ZNF729: variants seen among roughly 807,000 people sequenced by gnomAD.
ZNF729 encodes the protein zinc finger protein 729.
ZNF729 carries 15 observed loss-of-function variants against 12.2 expected under a neutral mutation model. The observed-to-expected ratio is 1.23, with a 90% CI of 0.82 to 1.89. The LOEUF (loss-of-function observed/expected upper bound fraction) is 1.89, where lower values mean the gene tolerates loss of function less well. ZNF729 is among the 40% of genes most tolerant of loss of function. ZNF729 has a pLI of 0.00. For missense variants in ZNF729, 1,540 were observed against 1,456.7 expected (o/e 1.06, Z -0.93); for synonymous variants, 492 against 476.3 (o/e 1.03, Z -0.43).
intron 1 of ZNF729, among the ~76,000 whole-genome samples, chr19:22,303,013 G>A (rs1044406224): frequency 3.3e-5 from 5 of 152,144 alleles, no homozygotes; most frequent in African/African-American, 1.2e-4. Context: ...GACCTCAGAT[G>A]ATCCACCCAC....
chr19:22,314,978 T>G lies in ZNF729; in HGVS notation c.1561T>G (p.Cys521Gly). The change falls in exon 4 of 4, where the codon TGT becomes GGT. Residue 521 changes from cysteine to glycine, a missense_variant. Physicochemically the swap from Cys to Gly is radical, Grantham distance 159. Coordinates refer to ENST00000601693, the MANE Select transcript of ZNF729 (RefSeq NM_001242680.2). Reference protein sequence around the residue: ...TGKKPYKCEECGKAFSQSSTL... With the variant: ...TGKKPYKCEEGGKAFSQSSTL... ...AAAGAAACCCTACAAATGTGAAGAATGTGGGAAAGCTTTTAGCCAGTCCTC... is the reference window on the plus strand; with the variant it reads ...AAAGAAACCCTACAAATGTGAAGAAGGTGGGAAAGCTTTTAGCCAGTCCTC... 1 of 1,612,032 alleles carries G rather than the reference T, an allele frequency of 6.2e-7. No homozygotes were observed. The highest frequency in any genetic ancestry group is 8.5e-7 in the Non-Finnish European group (1 of 1,179,704).
At chr19:22,313,509 C>T (rs1599758851) in intron 3 of ZNF729, among the ~76,000 whole-genome samples, 162 bp from the exon 4 acceptor site, 1 of 152,198 alleles carries the variant, frequency 6.6e-6, no homozygotes, top group Non-Finnish European at 1.5e-5. Flanking sequence ...TGTATTTGGT[C>T]AGTATGTTTT....
At chr19:22,296,649 C>T (rs909468319) in intron 1 of ZNF729, among the ~76,000 whole-genome samples, 1 of 151,854 alleles carries the variant, frequency 6.6e-6, no homozygotes, top group Admixed American at 6.6e-5. Flanking sequence ...CTGCTGATAG[C>T]TTAGGAGTTG....
At chr19:22,293,961 G>C (rs1242510377) in intron 1 of ZNF729, among the ~76,000 whole-genome samples, 1 of 152,174 alleles carries the variant, frequency 6.6e-6, no homozygotes, top group Non-Finnish European at 1.5e-5. Flanking sequence ...CTGTGAAGAA[G>C]ATATTTAGTT....
intron 1 of ZNF729, among the ~76,000 whole-genome samples, chr19:22,297,080 T>C (rs1317107670): frequency 3.3e-5 from 5 of 152,216 alleles, no homozygotes; most frequent in African/African-American, 1.2e-4. Flanking sequence ...GAGAGTTCTG[T>C]AGATGTCTAC....
intron 3 of ZNF729, among the ~76,000 whole-genome samples, chr19:22,307,398 T>C (rs1017490884): frequency 2.0e-4 from 31 of 151,774 alleles, no homozygotes; most frequent in African/African-American, 7.5e-4. Context: ...GTCTTTATTT[T>C]TTACTGTTTT....
intron 1 of ZNF729, among the ~76,000 whole-genome samples, chr19:22,294,808 C>CATG (rs929976297): frequency 2.6e-5 from 4 of 151,716 alleles, no homozygotes; most frequent in Admixed American, 2.6e-4. Context: ...AGGTGCCTAC[C>CATG]ACCATGCCCA....
intron 1 of ZNF729, among the ~76,000 whole-genome samples, chr19:22,294,478 C>T (rs1395675887): frequency 1.3e-5 from 2 of 152,000 alleles, no homozygotes; most frequent in Non-Finnish European, 2.9e-5. Context: ...TGAATTTTAA[C>T]ATAGTTTTCT....
chr19:22,290,422 G>A (rs765202633), intron 1 of ZNF729, among the ~76,000 whole-genome samples: 5 of 152,190 alleles, frequency 3.3e-5, no homozygotes, highest in Admixed American at 1.3e-4. Context: ...AAAGAGTATT[G>A]CAAGAGGACG....
chr19:22,305,972 T>TTTTTG (rs111912345), intron 3 of ZNF729, among the ~76,000 whole-genome samples: 3,290 of 152,070 alleles, frequency 0.022, 110 homozygotes, highest in African/African-American at 0.075. Context: ...CTAGCTAGTT[T>TTTTTG]TTTTGTTTTG....
At chr19:22,313,467 G>A (rs550136902) in intron 3 of ZNF729, among the ~76,000 whole-genome samples, 238 of 152,024 alleles carry the variant, frequency 1.6e-3, no homozygotes, top group Non-Finnish European at 2.4e-3. Flanking sequence ...GCTTACTTGG[G>A]GTACTTAACT....
chr19:22,306,211 C>A (rs916738791), intron 3 of ZNF729, among the ~76,000 whole-genome samples: 1 of 151,936 alleles, frequency 6.6e-6, no homozygotes, highest in African/African-American at 2.4e-5. Context: ...GAGACCAAAG[C>A]GGGCAGATCA....
chr19:22,301,817 AAATGTGATACTGGAGTAGAGT>A (rs1968309528), intron 1 of ZNF729, among the ~76,000 whole-genome samples: 1 of 152,312 alleles, frequency 6.6e-6, no homozygotes, highest in Non-Finnish European at 1.5e-5. Flanking sequence ...CCTACCTGTA[AAATGTGATACTGGAGTAGAGT>A]ATTGTTATTT....
At chr19:22,310,186 A>G (rs1426187615) in intron 3 of ZNF729, among the ~76,000 whole-genome samples, 4 of 151,962 alleles carry the variant, frequency 2.6e-5, no homozygotes, top group African/African-American at 7.3e-5. Context: ...CTCTTTACCA[A>G]TTTCGATGCC....
Position 22,316,566 on chromosome 19 carries a change from G to A in ZNF729, c.3149G>A (p.Cys1050Tyr), listed in dbSNP as rs958664694. 8.7e-6 allele frequency: 14 copies of A among 1,613,424 alleles called. 1 individual carries two copies. Among genetic ancestry groups the A allele is most frequent in the African/African-American group, 1.3e-5 (1 of 74,898 alleles). Reference sequence around the variant, plus strand: ...CATACTGGGGAGAAACCCTACAAATGTGAAGAATGTGGTAAAGCTTTTAAG... The same window carrying A: ...CATACTGGGGAGAAACCCTACAAATATGAAGAATGTGGTAAAGCTTTTAAG... ...IIHTGEKPYK[C>Y]EECGKAFKWS... is the part of the protein sequence containing the mutation. Residue 1050 changes from cysteine to tyrosine, a missense_variant, in exon 4 of 4, where the codon TGT becomes TAT. By Grantham distance (194) the Cys-to-Tyr change is radical. Transcript: ENST00000601693.
Position 22,313,794 on chromosome 19 carries a change from GTA to G in ZNF729, c.378_379del (p.Cys126Ter), listed in dbSNP as rs1568576765. 1 of 1,598,052 alleles carries G rather than the reference GTA, an allele frequency of 6.3e-7. No individual in the cohort carries two copies. Among genetic ancestry groups the G allele is most frequent in the East Asian group, 2.2e-5 (1 of 44,544 alleles). On this transcript the variant is annotated stop_gained and frameshift_variant, in exon 4 of 4. Transcript: ENST00000601693. LOFTEE classifies it low-confidence loss of function (END_TRUNC). Reference sequence around the variant, plus strand: ...AAGAATTTACGATTAAGAAAAGATTGTAAAAGTGCCAATGAGGGTAAGATGCA... The same window carrying G: ...AAGAATTTACGATTAAGAAAAGATTGAAAGTGCCAATGAGGGTAAGATGCA...
chr19:22,309,450 AAAAAG>A, intron 3 of ZNF729, among the ~76,000 whole-genome samples: 1 of 152,228 alleles, frequency 6.6e-6, no homozygotes. Context: ...ATCTCAGAAA[AAAAAG>A]AAAAGAGTAT....
chr19:22,309,909 T>C (rs1241056205), intron 3 of ZNF729, among the ~76,000 whole-genome samples: 1 of 152,018 alleles, frequency 6.6e-6, no homozygotes, highest in Non-Finnish European at 1.5e-5. Flanking sequence ...GTTTTCCTTG[T>C]AGAGATCTTT....
intron 1 of ZNF729, among the ~76,000 whole-genome samples, chr19:22,290,524 G>C (rs1254842276): frequency 2.0e-5 from 3 of 152,130 alleles, no homozygotes; most frequent in African/African-American, 7.2e-5. Flanking sequence ...TAGGAGGTGG[G>C]AGGGGATGGC....
Sources: allele counts gnomAD v4.1 joint callset (sites outside exome capture counted in the v4.1 genomes callset), GRCh38; gene constraint gnomAD v4.1.1; transcripts MANE v1.5; gene names NCBI Gene and HGNC (gene_info 2026-07-23, HGNC 2026-07-21).